The following TSHZ3 variants were observed in gnomAD, a reference collection of about 807,000 sequenced individuals.
TSHZ3 encodes the protein teashirt homolog 3.
In TSHZ3, 10 loss-of-function variants were observed where a neutral mutation model predicts 64.5. The observed-to-expected ratio is 0.16, with a 90% CI of 0.10 to 0.26. TSHZ3 has a LOEUF of 0.26. TSHZ3 is among the 10% of genes least tolerant of loss of function. The pLI is 1.00. For synonymous variants in TSHZ3, 608 were observed against 593.1 expected (o/e 1.03, Z -0.36); for missense variants, 1,242 against 1,421.7 (o/e 0.87, Z 2.03).
At chr19:31,297,953 CAG>C (rs1976692154) in intron 1 of TSHZ3, among the ~76,000 whole-genome samples, 1 of 152,190 alleles carries the variant, frequency 6.6e-6, no homozygotes, top group South Asian at 2.1e-4. Flanking sequence ...TCACCCTCTG[CAG>C]AGAGACCTGC....
chr19:31,347,603 G>T (rs1273158258), intron 1 of TSHZ3, among the ~76,000 whole-genome samples: 3 of 152,126 alleles, frequency 2.0e-5, no homozygotes, highest in African/African-American at 4.8e-5. Context: ...GGTGGGACGG[G>T]CAAGAAGCAA....
chr19:31,244,053 A>T (rs969924675), intron 1 of TSHZ3, among the ~76,000 whole-genome samples: 2 of 152,176 alleles, frequency 1.3e-5, no homozygotes, highest in African/African-American at 4.8e-5. Flanking sequence ...GATCAGTGAT[A>T]TAGTTAAATA....
chr19:31,296,637 G>A (rs901938789), intron 1 of TSHZ3, among the ~76,000 whole-genome samples: 2 of 152,140 alleles, frequency 1.3e-5, no homozygotes, highest in Non-Finnish European at 2.9e-5. Context: ...TGCCCAGTTA[G>A]TACTGTGTCA....
At position 31,203,245 on chromosome 19, in the gene TSHZ3, A is replaced by C. The variant is rs548407414; in HGVS notation, n.809+1711T>G. Among the ~76,000 whole-genome samples the C allele has an allele frequency of 4.6e-5, 7 of 152,196 alleles. No homozygotes were observed. In the East Asian group the frequency reaches 1.2e-3, roughly 25 times the overall value. ...ACCATGTATGAATGCCCTGAGAAGG[A>C]GGCACAATTGGCATGCTGAAGGAAC... On this transcript the variant is annotated intron_variant and non_coding_transcript_variant, in intron 5 of 6. Transcript: ENST00000651361.
chr19:31,168,317 T>G (rs561507885), intron 5 of TSHZ3, among the ~76,000 whole-genome samples: 184 of 152,272 alleles, frequency 1.2e-3, no homozygotes, highest in Non-Finnish European at 2.3e-3. Flanking sequence ...AGGTGCTATC[T>G]CATGGGAAAT....
intron 1 of TSHZ3, among the ~76,000 whole-genome samples, chr19:31,347,322 G>A (rs1303687034): frequency 6.6e-6 from 1 of 152,018 alleles, no homozygotes; most frequent in Non-Finnish European, 1.5e-5. Context: ...TATCAAATAC[G>A]AGTCTCAGAT....
At chr19:31,335,526 C>G (rs1001474239) in intron 1 of TSHZ3, among the ~76,000 whole-genome samples, 2 of 152,220 alleles carry the variant, frequency 1.3e-5, no homozygotes, top group Non-Finnish European at 2.9e-5. Flanking sequence ...CTGGAAAATA[C>G]TGACCTTAAG....
chr19:31,176,887 G>C (rs1974616236), intron 5 of TSHZ3, among the ~76,000 whole-genome samples: 1 of 152,150 alleles, frequency 6.6e-6, no homozygotes, highest in African/African-American at 2.4e-5. Flanking sequence ...AAAGTACCAA[G>C]AGCTGACAAG....
chr19:31,331,085 T>C (rs1044571577), intron 1 of TSHZ3, among the ~76,000 whole-genome samples: 13 of 151,958 alleles, frequency 8.6e-5, no homozygotes, highest in Admixed American at 7.9e-4. Context: ...GGATACCCCC[T>C]CCTTCCCTCT....
chr19:31,267,914 G>A (rs1242224243), intron 1 of TSHZ3, among the ~76,000 whole-genome samples: 1 of 152,156 alleles, frequency 6.6e-6, no homozygotes, highest in African/African-American at 2.4e-5. Context: ...CCTTTGACAA[G>A]TGCAGTAAGA....
chr19:31,324,363 C>T (rs1916871285), intron 1 of TSHZ3, among the ~76,000 whole-genome samples: 1 of 152,184 alleles, frequency 6.6e-6, no homozygotes, highest in African/African-American at 2.4e-5. Flanking sequence ...TGACTTACAC[C>T]TCCCGCATAT....
intron 4 of TSHZ3, among the ~76,000 whole-genome samples, chr19:31,223,365 CGT>C (rs10551485): frequency 0.53 from 75,010 of 142,164 alleles, 19,199 homozygotes; most frequent in Middle Eastern, 0.58. Flanking sequence ...GTTCTTATAA[CGT>C]GTGTGTGTGT....
At chr19:31,306,704 T>C (rs1461152520) in intron 1 of TSHZ3, among the ~76,000 whole-genome samples, 2 of 152,234 alleles carry the variant, frequency 1.3e-5, no homozygotes, top group Non-Finnish European at 2.9e-5. Context: ...GGGCTAGGTT[T>C]GTTTGCTTCT....
In TSHZ3 at chr19:31,277,295, A is replaced by T; in HGVS notation, c.2498T>A (p.Phe833Tyr). Residue 833 changes from phenylalanine (F) to tyrosine (Y), a missense_variant, in exon 2 of 2, where the codon TTC (phenylalanine) becomes TAC (tyrosine). Coordinates refer to ENST00000240587, the MANE Select transcript of TSHZ3 (RefSeq NM_020856.4). The surrounding 1 kb of genome is among the most constrained non-coding windows in gnomAD (Gnocchi z 4.5). ...TTAKTSAVVS[F>Y]MSNSPLRENA... Reference sequence around the variant, plus strand: ...CTCGCGTAGCGGCGAGTTTGACATGAATGATACGACGGCAGATGTCTTTGC... The same window carrying T: ...CTCGCGTAGCGGCGAGTTTGACATGTATGATACGACGGCAGATGTCTTTGC... 6.2e-7 allele frequency: 1 copy of T among 1,613,762 alleles called. No individual in the cohort carries two copies. The highest frequency in any genetic ancestry group is 8.5e-7 in the Non-Finnish European group (1 of 1,179,670).
At chr19:31,343,815 G>A (rs1917504536) in intron 1 of TSHZ3, among the ~76,000 whole-genome samples, 3 of 151,132 alleles carry the variant, frequency 2.0e-5, no homozygotes, top group Admixed American at 6.6e-5. Context: ...CCAGAAACAG[G>A]GGAAAAATAT....
At chr19:31,181,040 C>G (rs1974705210) in intron 5 of TSHZ3, among the ~76,000 whole-genome samples, 1 of 152,066 alleles carries the variant, frequency 6.6e-6, no homozygotes, top group Non-Finnish European at 1.5e-5. Flanking sequence ...TTGTTCATTC[C>G]CAGAGCTCAT....
chr19:31,155,721 G>A (rs1974298650), intron 6 of TSHZ3, among the ~76,000 whole-genome samples: 1 of 151,298 alleles, frequency 6.6e-6, no homozygotes, highest in African/African-American at 2.5e-5. Flanking sequence ...GTCTGCCCCT[G>A]ATAATTTGAC....
At chr19:31,179,022 G>GATC (rs1482952036) in intron 5 of TSHZ3, among the ~76,000 whole-genome samples, 1 of 93,776 alleles carries the variant, frequency 1.1e-5, no homozygotes, top group East Asian at 2.7e-4. Flanking sequence ...CACTGATGAT[G>GATC]ATGATGATGA....
At chr19:31,330,701 T>A (rs903931) in intron 1 of TSHZ3, among the ~76,000 whole-genome samples, 141,857 of 150,284 alleles carry the variant, frequency 0.94, 66,960 homozygotes, top group East Asian at 1. Context: ...TGCTGTTTAA[T>A]CCTTGGGCGG....
Sources: gnomAD v4.1 joint callset for allele counts (sites outside exome capture counted in the v4.1 genomes callset) on GRCh38, gnomAD v4.1.1 for gene constraint, Gnocchi (gnomAD v3.1) non-coding constraint, MANE v1.5 for transcripts, NCBI Gene and HGNC (gene_info 2026-07-23, HGNC 2026-07-21) for gene names.